MAST3: variants seen among roughly 807,000 people sequenced by gnomAD.
MAST3 encodes the protein microtubule associated serine/threonine kinase 3.
Under a neutral mutation model 127.0 loss-of-function variants are expected in MAST3, and 43 were observed. That is an observed-to-expected ratio of 0.34 (90% CI 0.27 to 0.44). The LOEUF (loss-of-function observed/expected upper bound fraction) is 0.44, where lower values mean the gene tolerates loss of function less well. Among genes scored for constraint, MAST3 ranks in the 20% least tolerant of loss-of-function variants. MAST3 has a pLI of 1.00. For missense variants in MAST3, 1,390 were observed against 1,919.1 expected (o/e 0.72, Z 5.15); for synonymous variants, 785 against 809.2 (o/e 0.97, Z 0.51).
intron 19 of MAST3, among the ~76,000 whole-genome samples, chr19:18,137,654 C>T (rs546901217): frequency 1.5e-4 from 23 of 152,272 alleles, no homozygotes; most frequent in African/African-American, 5.3e-4. Context: ...CAAGTTGGGC[C>T]TCCTGGGTGT....
Position 18,149,485 on chromosome 19 carries a change from G to T in MAST3, c.3803G>T (p.Gly1268Val). Residue 1268 changes from glycine to valine, a missense_variant, in exon 28 of 28, where the codon GGG becomes GTG. This residue lies in a region of MAST3 where 816 missense variants were observed against 934.1 expected (regional missense o/e 0.87). Coordinates refer to ENST00000687212, the MANE Select transcript of MAST3 (RefSeq NM_001393504.1). This position sits in a 1 kb window ranked among gnomAD's most constrained non-coding sequence, Gnocchi z 5.9. ...CAGTCAGCTGACAAGCTGGGCACAG[G>T]GGAGCGGCTGGATGGGGAGGCGGGG... The part of the protein sequence containing the change: ...RGQSADKLGT[G>V]ERLDGEAGRR... 1 of 1,545,066 alleles carries T rather than the reference G, an allele frequency of 6.5e-7. No individual in the cohort carries two copies. Among genetic ancestry groups the T allele is most frequent in the African/African-American group, 1.4e-5 (1 of 73,064 alleles).
chr19:18,100,841 C>T (rs995161837), intron 1 of MAST3, among the ~76,000 whole-genome samples: 1 of 152,164 alleles, frequency 6.6e-6, no homozygotes, highest in Non-Finnish European at 1.5e-5. Flanking sequence ...AATCAGATTT[C>T]CTGGAGGCCA....
intron 1 of MAST3, among the ~76,000 whole-genome samples, chr19:18,105,763 C>T (rs11665905): frequency 1.3e-5 from 2 of 151,908 alleles, no homozygotes; most frequent in African/African-American, 4.8e-5. Context: ...CACAAGCTCA[C>T]GGCTTTCTAT....
Position 18,145,194 on chromosome 19 carries a change from G to A in MAST3, c.3004G>A (p.Asp1002Asn), listed in dbSNP as rs2042902262. 1 of 1,613,862 alleles carries A rather than the reference G, an allele frequency of 6.2e-7. No homozygotes were observed. The highest frequency in any genetic ancestry group is 8.5e-7 in the Non-Finnish European group (1 of 1,179,868). Residue 1002 changes from aspartate to asparagine, a missense_variant, in exon 24 of 28, where the codon GAT (aspartate) becomes AAT (asparagine). Physicochemically the swap from Asp to Asn is conservative, Grantham distance 23. Transcript: ENST00000687212. This position sits in a 1 kb window ranked among gnomAD's most constrained non-coding sequence, Gnocchi z 5.9. ...SLRAIRVYMG[D>N]SDVYTVHHVV... ...GCGGGCGATCCGCGTCTACATGGGT[G>A]ATAGCGACGTCTACACTGTGCACCA...
chr19:18,100,800 C>T lies in MAST3; in HGVS notation c.39+2969C>T, dbSNP rs2037531246. 2.0e-5 allele frequency among the ~76,000 whole-genome samples: 3 copies of T among 152,226 alleles called. No individual in the cohort carries two copies. In the South Asian group the frequency reaches 6.2e-4, roughly 32 times the overall value. On this transcript the variant is annotated intron_variant, in intron 1 of 27. Coordinates refer to ENST00000687212, the MANE Select transcript of MAST3 (RefSeq NM_001393504.1). Reference sequence around the variant, plus strand: ...TGTTAATGGTCCAGGAGCACCCCAGCCAATCAGGGGGTAGATCGCTGATGC... The same window carrying T: ...TGTTAATGGTCCAGGAGCACCCCAGTCAATCAGGGGGTAGATCGCTGATGC...
intron 3 of MAST3, chr19:18,118,114 G>A (rs1056449549): frequency 1.0e-5 from 10 of 985,240 alleles, no homozygotes; most frequent in African/African-American, 5.2e-5. Context: ...TCCCACCGCC[G>A]AGGCCTCCCT....
In MAST3 at chr19:18,144,674, G is replaced by C; in HGVS notation, c.2793G>C (p.Leu931=). 6.2e-7 allele frequency: 1 copy of C among 1,609,350 alleles called. No individual in the cohort carries two copies. Among genetic ancestry groups the C allele is most frequent in the Middle Eastern group, 1.6e-4 (1 of 6,062 alleles). The stretch of plus-strand genomic sequence containing the variant: ...CCAAGTCAGCCTCTGTCTCTGCCCT[G>C]TCCCTCATCATCACGGCAGGTAATG... ...RVPKSASVSA[L]SLIITADDGS... The change falls in exon 23 of 28, where the codon CTG becomes CTC. Residue 931 remains leucine (L), a synonymous_variant. Coordinates refer to ENST00000687212, the MANE Select transcript of MAST3 (RefSeq NM_001393504.1). The surrounding 1 kb of genome is among the most constrained non-coding windows in gnomAD (Gnocchi z 4.0).
chr19:18,123,891 A>T, intron 8 of MAST3, 48 bp from the exon 9 acceptor site: 1 of 1,497,690 alleles, frequency 6.7e-7, no homozygotes, highest in Non-Finnish European at 9.0e-7. Flanking sequence ...TGCGTGTGTC[A>T]CTCCAGCCCC....
At chr19:18,103,568 C>A (rs770578035) in intron 1 of MAST3, among the ~76,000 whole-genome samples, 32 of 152,064 alleles carry the variant, frequency 2.1e-4, no homozygotes, top group Admixed American at 1.6e-3. Context: ...ATATTCACAT[C>A]TTTTTGTCTT....
chr19:18,098,823 T>C, intron 1 of MAST3: 1 of 456,286 alleles, frequency 2.2e-6, no homozygotes, highest in East Asian at 6.9e-5. Context: ...TTCTGCAACC[T>C]CTGGAGCTGC....
intron 2 of MAST3, chr19:18,109,833 T>G: frequency 1.7e-6 from 1 of 604,982 alleles, no homozygotes. Flanking sequence ...CTGGCCGGGA[T>G]GCGGGGTTGG....
chr19:18,134,511 C>A, intron 15 of MAST3, 68 bp from the exon 16 acceptor site: 1 of 1,534,806 alleles, frequency 6.5e-7, no homozygotes, highest in South Asian at 1.3e-5. Flanking sequence ...GAGCCAAGGT[C>A]TAGGGCAGAA....
At position 18,124,007 on chromosome 19, in the gene MAST3, G is replaced by A. The variant is rs781362233; in HGVS notation, c.702G>A (p.Ala234=). ...LTAYAPGARL[A]LADGVLGFIH... ...CCTACGCGCCCGGCGCCCGGCTGGC[G>A]CTGGCTGATGGCGTCTTGGGCTTCA... Residue 234 remains alanine (A), a synonymous_variant, in exon 9 of 28, where the codon GCG becomes GCA. Coordinates refer to ENST00000687212, the MANE Select transcript of MAST3 (RefSeq NM_001393504.1). The A allele has an allele frequency of 5.6e-6, 9 of 1,596,250 alleles. No homozygotes were observed. Among genetic ancestry groups the A allele is most frequent in the East Asian group, 2.3e-5 (1 of 43,724 alleles).
At position 18,123,982 on chromosome 19, in the gene MAST3, C is replaced by A. The variant is rs1421678117; in HGVS notation, c.677C>A (p.Ala226Asp). ...MEGRLQEFLT[A>D]YAPGARLALA... ...GGCCGTCTGCAGGAGTTCCTGACGG[C>A]CTACGCGCCCGGCGCCCGGCTGGCG... The change falls in exon 9 of 28, where the codon GCC becomes GAC. Residue 226 changes from alanine to aspartate, a missense_variant. Ala to Asp is a moderately radical substitution (Grantham distance 126, BLOSUM62 -2). Around this residue, in one of 5 missense-constraint regions of MAST3, gnomAD observed 277 missense variants for 384.8 expected, o/e 0.72. Transcript: ENST00000687212. 1 of 1,586,490 alleles carries A rather than the reference C, an allele frequency of 6.3e-7. No homozygotes were observed. Among genetic ancestry groups the A allele is most frequent in the South Asian group, 1.1e-5 (1 of 87,418 alleles).
intron 1 of MAST3, among the ~76,000 whole-genome samples, chr19:18,099,102 C>T (rs1363740336): frequency 2.2e-4 from 31 of 140,330 alleles, no homozygotes; most frequent in African/African-American, 8.4e-4. Context: ...AGGTTAGCTC[C>T]GGGCGGGTTG....
intron 1 of MAST3, chr19:18,098,682 C>T (rs1240574343): frequency 8.8e-6 from 4 of 455,652 alleles, no homozygotes; most frequent in Admixed American, 2.4e-5. Flanking sequence ...TGGCCATTTT[C>T]CTCTGGGACT....
rs1389397138 is a variant in MAST3 at position 18,149,757 on chromosome 19, GT to G, written c.*33del. 6.2e-7 allele frequency: 1 copy of G among 1,607,426 alleles called. No homozygotes were observed. ...TGCCAGGTCTCTCCCTGGCATCAAA[GT>G]TACGCGTTTTCTTGTGCAATGTTTT... On this transcript the variant is annotated 3_prime_UTR_variant, in exon 28 of 28. Transcript: ENST00000687212. The surrounding 1 kb of genome is among the most constrained non-coding windows in gnomAD (Gnocchi z 5.9).
Position 18,143,932 on chromosome 19 carries a change from C to T in MAST3, c.2509C>T (p.Pro837Ser), listed in dbSNP as rs746822323. 5.0e-6 allele frequency: 8 copies of T among 1,612,176 alleles called. 1 individual carries two copies. The South Asian group carries it at 7.7e-5, about 16-fold the overall frequency. ...CCCAGGCCCTGCAGGCCCCAAGAGG[C>T]CCGTCTTCATTCTAGGGGAGCCTGA... The part of the protein sequence containing the change: ...VGPGPAGPKR[P>S]VFILGEPDPP... Residue 837 changes from proline (P) to serine (S), a missense_variant, in exon 22 of 28, where the codon CCC (proline) becomes TCC (serine). Coordinates refer to ENST00000687212, the MANE Select transcript of MAST3 (RefSeq NM_001393504.1).
Position 18,145,284 on chromosome 19 carries a change from T to C in MAST3, c.3039+55T>C, listed in dbSNP as rs2042912134. ...CGGGTTCTAGTTTGACTCTGCCCGG[T>C]CATGTCCCTTCTCAGAGCTGCATTT... On this transcript the variant is annotated intron_variant, in intron 24 of 27. Coordinates refer to ENST00000687212, the MANE Select transcript of MAST3 (RefSeq NM_001393504.1). The surrounding 1 kb of genome is among the most constrained non-coding windows in gnomAD (Gnocchi z 5.9). The C allele has an allele frequency of 3.9e-6, 6 of 1,532,418 alleles. No individual in the cohort carries two copies. Among genetic ancestry groups the C allele is most frequent in the South Asian group, 1.1e-5 (1 of 88,720 alleles). The allele number at this position is 1,532,418 out of a possible 1,614,324, so 94.9% of individuals were successfully genotyped here.
Sources: allele counts gnomAD v4.1 joint callset (sites outside exome capture counted in the v4.1 genomes callset), GRCh38; gene constraint gnomAD v4.1.1; regional missense constraint gnomAD v4.1.1; non-coding constraint Gnocchi (gnomAD v3.1); transcripts MANE v1.5; gene names NCBI Gene and HGNC (gene_info 2026-07-23, HGNC 2026-07-21).